SH3RF3: variants seen among roughly 807,000 people sequenced by gnomAD.
SH3RF3 encodes the protein E3 ubiquitin-protein ligase SH3RF3.
A neutral mutation model predicts 66.3 loss-of-function variants in SH3RF3; 29 were observed. The ratio of observed to expected loss-of-function variants is 0.44; its 90% CI spans 0.33 to 0.60. SH3RF3 has a LOEUF of 0.60. Ranked by LOEUF, SH3RF3 falls within the 20% of genes least tolerant of loss-of-function variation. The pLI, the probability that SH3RF3 is intolerant of heterozygous loss-of-function variation, is 0.04. For missense variants in SH3RF3, 1,194 were observed against 1,190.9 expected (o/e 1.00, Z -0.04); for synonymous variants, 583 against 532.0 (o/e 1.10, Z -1.32).
intron 1 of SH3RF3, among the ~76,000 whole-genome samples, chr2:109,318,334 CCCGGTCCCCAGT>C (rs1681936251): frequency 6.6e-6 from 1 of 152,006 alleles, no homozygotes; most frequent in South Asian, 2.1e-4. Context: ...CGGCCCCCAG[CCCGGTCCCCAGT>C]GCTTGTCCTC....
intron 1 of SH3RF3, among the ~76,000 whole-genome samples, chr2:109,160,331 A>G (rs901529138): frequency 1.3e-5 from 2 of 152,214 alleles, no homozygotes; most frequent in African/African-American, 4.8e-5. Flanking sequence ...GGTGCAGCCC[A>G]TGCTTTGTTG....
rs567610747 is a variant in SH3RF3 at position 109,380,582 on chromosome 2, C to T, written c.945+8901C>T. On this transcript the variant is annotated intron_variant, in intron 3 of 9. Coordinates refer to ENST00000309415, the MANE Select transcript of SH3RF3 (RefSeq NM_001099289.3). ...AAGTTTTTGTGAAGCCCCTTGTCCT[C>T]GCTGCCAGCCTCCCTGGGAGCTTCT... Among the ~76,000 whole-genome samples, 191 of 152,352 alleles carry T rather than the reference C, an allele frequency of 1.3e-3. 1 individual carries two copies. Among genetic ancestry groups the T allele is most frequent in the African/African-American group, 4.2e-3 (176 of 41,574 alleles).
intron 4 of SH3RF3, among the ~76,000 whole-genome samples, chr2:109,411,164 C>G (rs575345064): frequency 6.6e-5 from 10 of 152,350 alleles, no homozygotes. Flanking sequence ...GTCAGCAACT[C>G]TCAACCTCGT....
chr2:109,218,684 T>C (rs1402577564), intron 1 of SH3RF3, among the ~76,000 whole-genome samples: 1 of 151,646 alleles, frequency 6.6e-6, no homozygotes, highest in East Asian at 1.9e-4. Flanking sequence ...TGAGGGAGGG[T>C]GGTGTTTTCT....
intron 1 of SH3RF3, among the ~76,000 whole-genome samples, chr2:109,160,322 G>A (rs1358986120): frequency 6.6e-6 from 1 of 152,244 alleles, no homozygotes; most frequent in Non-Finnish European, 1.5e-5. Flanking sequence ...CTTTCTTGGG[G>A]TGCAGCCCAT....
intron 1 of SH3RF3, among the ~76,000 whole-genome samples, chr2:109,256,407 T>C (rs548207005): frequency 6.6e-6 from 1 of 152,166 alleles, no homozygotes; most frequent in African/African-American, 2.4e-5. Flanking sequence ...TGTCCTCCCC[T>C]GCAAGGAAGG....
At chr2:109,200,495 C>T (rs1431221022) in intron 1 of SH3RF3, among the ~76,000 whole-genome samples, 1 of 152,162 alleles carries the variant, frequency 6.6e-6, no homozygotes, top group South Asian at 2.1e-4. Context: ...GTGTCCTGCT[C>T]AGTCGGCGGG....
chr2:109,138,577 G>A (rs1254048638), intron 1 of SH3RF3, among the ~76,000 whole-genome samples: 1 of 152,182 alleles, frequency 6.6e-6, no homozygotes, highest in Non-Finnish European at 1.5e-5. Context: ...AGGGGTCAGG[G>A]CAGCCCCTGG....
intron 1 of SH3RF3, among the ~76,000 whole-genome samples, chr2:109,138,786 A>G (rs1676869854): frequency 6.6e-6 from 1 of 152,248 alleles, no homozygotes; most frequent in South Asian, 2.1e-4. Context: ...AGACTGGCCC[A>G]GAACGAGTGA....
At chr2:109,149,671 C>T (rs1677187023) in intron 1 of SH3RF3, among the ~76,000 whole-genome samples, 2 of 152,188 alleles carry the variant, frequency 1.3e-5, no homozygotes, top group African/African-American at 4.8e-5. Context: ...TCTGTGGCAG[C>T]AGCAACGTTG....
intron 1 of SH3RF3, among the ~76,000 whole-genome samples, chr2:109,152,574 T>G (rs1677248489): frequency 6.6e-6 from 1 of 152,242 alleles, no homozygotes. Flanking sequence ...TTTGCCTTTT[T>G]ATTATTTACA....
At chr2:109,144,837 G>A (rs957500052) in intron 1 of SH3RF3, among the ~76,000 whole-genome samples, 2 of 152,214 alleles carry the variant, frequency 1.3e-5, no homozygotes, top group Admixed American at 1.3e-4. Context: ...ACCAAGAGAC[G>A]GGCAGGGGGC....
chr2:109,472,374 G>A (rs949621400), intron 8 of SH3RF3, among the ~76,000 whole-genome samples: 1 of 152,066 alleles, frequency 6.6e-6, no homozygotes, highest in South Asian at 2.1e-4. Context: ...AGGGTGTCCT[G>A]GAAGCAATCT....
chr2:109,314,761 A>C (rs2105439241), intron 1 of SH3RF3, among the ~76,000 whole-genome samples: 1 of 152,266 alleles, frequency 6.6e-6, no homozygotes, highest in African/African-American at 2.4e-5. Context: ...TCTGTAAATT[A>C]TTTTGCCATT....
At chr2:109,220,077 A>G (rs967160864) in intron 1 of SH3RF3, among the ~76,000 whole-genome samples, 2 of 152,236 alleles carry the variant, frequency 1.3e-5, no homozygotes, top group African/African-American at 2.4e-5. Flanking sequence ...AGGGATAGAT[A>G]TATAAACCAA....
chr2:109,467,825 G>T (rs1030347800), intron 8 of SH3RF3, among the ~76,000 whole-genome samples: 1 of 152,162 alleles, frequency 6.6e-6, no homozygotes, highest in African/African-American at 2.4e-5. Flanking sequence ...GGCTGCACAC[G>T]CAGAGGAACA....
chr2:109,386,295 G>GC (rs1192636763), intron 3 of SH3RF3, among the ~76,000 whole-genome samples: 2 of 152,208 alleles, frequency 1.3e-5, no homozygotes, highest in East Asian at 1.9e-4. Context: ...CGCATATGGA[G>GC]CATGTACAGG....
At chr2:109,273,820 T>C (rs6719705) in intron 1 of SH3RF3, among the ~76,000 whole-genome samples, 47,934 of 151,830 alleles carry the variant, frequency 0.32, 7,962 homozygotes, top group East Asian at 0.46. Flanking sequence ...GAGACCAGGC[T>C]CAGCATACAT....
chr2:109,134,075 C>A (rs1424316049), intron 1 of SH3RF3, among the ~76,000 whole-genome samples: 1 of 152,176 alleles, frequency 6.6e-6, no homozygotes, highest in African/African-American at 2.4e-5. Context: ...CCGAGATTTT[C>A]TGTTGAACAT....
Sources: allele counts gnomAD v4.1 joint callset (sites outside exome capture counted in the v4.1 genomes callset), GRCh38; gene constraint gnomAD v4.1.1; transcripts MANE v1.5; gene names NCBI Gene and HGNC (gene_info 2026-07-23, HGNC 2026-07-21).